Variants in DLAT observed in about 807,000 individuals in gnomAD.
DLAT encodes dihydrolipoamide S-acetyltransferase.
DLAT carries 43 observed loss-of-function variants against 68.0 expected under a neutral mutation model. The observed-to-expected ratio is 0.63, with a 90% confidence interval of 0.50 to 0.81. DLAT has a LOEUF of 0.81. Ranked by LOEUF, DLAT falls within the 40% of genes least tolerant of loss-of-function variation. DLAT has a pLI of 0.00. For missense variants in DLAT, 745 were observed against 815.4 expected, an observed-to-expected ratio of 0.91 and a Z score of 1.05; for synonymous variants, 265 against 288.6, an observed-to-expected ratio of 0.92 and a Z score of 0.83.
rs189259539 is a variant in DLAT at position 112,041,472 on chromosome 11, A to G, written c.1130-1994A>G. Among the ~76,000 whole-genome samples the G allele has an allele frequency of 6.1e-4, 93 of 152,280 alleles. 1 individual carries two copies. The East Asian group carries it at 0.014, about 22-fold the overall frequency. ...CATTTGATTTGTTTTGAAAGATAAG[A>G]AGGAGGCAGCTTGAGCCAACCATGT... On this transcript the variant is annotated intron_variant, in intron 7 of 13. Transcript: ENST00000280346.
chr11:112,043,204 T>C (rs782624382), intron 7 of DLAT, among the ~76,000 whole-genome samples: 1 of 152,126 alleles, frequency 6.6e-6, no homozygotes, highest in Non-Finnish European at 1.5e-5. Flanking sequence ...AAAAGAGAAA[T>C]ACATAAAGGA....
intron 5 of DLAT, among the ~76,000 whole-genome samples, chr11:112,036,096 C>CAT (rs71060207): frequency 0.32 from 45,772 of 141,332 alleles, 7,998 homozygotes; most frequent in East Asian, 0.59. Flanking sequence ...CAGCCTTAAA[C>CAT]ATATATATAT....
chr11:112,052,238 C>T (rs587765647), intron 11 of DLAT, among the ~76,000 whole-genome samples: 20 of 152,186 alleles, frequency 1.3e-4, no homozygotes, highest in Middle Eastern at 3.4e-3. Flanking sequence ...GAGGGTTTCC[C>T]CACACACCAA....
chr11:112,061,296 A>G, intron 13 of DLAT, 122 bp downstream of exon 13: 1 of 986,530 alleles, frequency 1.0e-6, no homozygotes, highest in Admixed American at 1.8e-5. Flanking sequence ...CACAATGCTC[A>G]AGTCCCTGAT....
At chr11:112,055,178 C>G (rs1433982929) in intron 11 of DLAT, among the ~76,000 whole-genome samples, 1 of 151,464 alleles carries the variant, frequency 6.6e-6, no homozygotes, top group Non-Finnish European at 1.5e-5. Context: ...TTTCTGGAGC[C>G]TGGCAGAAAT....
chr11:112,061,357 T>C, intron 13 of DLAT, 183 bp downstream of exon 13: 1 of 636,830 alleles, frequency 1.6e-6, no homozygotes, highest in Non-Finnish European at 2.7e-6. Context: ...TTCTGTATAC[T>C]TTATTCTTGA....
At position 112,039,249 on chromosome 11, in the gene DLAT, C is replaced by T. The variant is rs782157762; in HGVS notation, c.981C>T (p.Ala327=). The change falls in exon 7 of 14, where the codon GCC becomes GCT. Residue 327 remains alanine, a synonymous_variant. Transcript: ENST00000280346. ...QVPPPTPPPV[A]AVPPTPQPLA... ...TTGTAATTTTTTTTCAAAAGGTGGCCGCTGTTCCTCCAACTCCCCAGCCTT... is the reference window on the plus strand; with the variant it reads ...TTGTAATTTTTTTTCAAAAGGTGGCTGCTGTTCCTCCAACTCCCCAGCCTT... 3.8e-5 allele frequency: 61 copies of T among 1,613,776 alleles called. No individual in the cohort carries two copies. Among genetic ancestry groups the T allele is most frequent in the African/African-American group, 6.7e-5 (5 of 74,956 alleles).
At position 112,051,485 on chromosome 11, in the gene DLAT, C is replaced by G. The variant is rs1863627672; in HGVS notation, c.1514+136C>G. On this transcript the variant is annotated intron_variant, in intron 11 of 13. Coordinates refer to ENST00000280346, the MANE Select transcript of DLAT (RefSeq NM_001931.5). This position sits in a 1 kb window ranked among gnomAD's most constrained non-coding sequence, Gnocchi z 4.3. ...TTACATAGGTCAAACAACTTGAAAACAACACAAAAATGTTTATGAGTTACT... is the reference window on the plus strand; with the variant it reads ...TTACATAGGTCAAACAACTTGAAAAGAACACAAAAATGTTTATGAGTTACT... The G allele has an allele frequency of 4.5e-6, 3 of 664,872 alleles. No individual in the cohort carries two copies. In the African/African-American group the frequency reaches 5.5e-5, roughly 12 times the overall value. The allele number at this position is 664,872 out of a possible 1,614,324, so 41.2% of individuals were successfully genotyped here. A position where few individuals can be genotyped will look rare whatever the true frequency, so the allele number is the denominator to read the frequency against.
rs6589260 is a variant in DLAT at position 112,039,095 on chromosome 11, C to A, written c.976-149C>A. On this transcript the variant is annotated intron_variant, in intron 6 of 13. Coordinates refer to ENST00000280346, the MANE Select transcript of DLAT (RefSeq NM_001931.5). Reference sequence around the variant, plus strand: ...TACTACATTATGTTGGTTAAGCTGGCGAAAAGTACATTATGATCTTTGGAA... The same window carrying A: ...TACTACATTATGTTGGTTAAGCTGGAGAAAAGTACATTATGATCTTTGGAA... 0.38 allele frequency: 267,587 copies of A among 709,364 alleles called. 51,975 individuals carry two copies. The highest frequency in any genetic ancestry group is 0.56 in the East Asian group (16,085 of 28,546). The allele number at this position is 709,364 out of a possible 1,614,324, so 43.9% of individuals were successfully genotyped here.
chr11:112,057,426 A>ACTTT (rs1864164720), intron 11 of DLAT, among the ~76,000 whole-genome samples: 2 of 152,258 alleles, frequency 1.3e-5, no homozygotes, highest in Non-Finnish European at 2.9e-5. Context: ...TCTTGTGCCA[A>ACTTT]ACAGCCAACT....
intron 7 of DLAT, among the ~76,000 whole-genome samples, chr11:112,039,743 C>G (rs1862957860): frequency 6.6e-6 from 1 of 152,014 alleles, no homozygotes; most frequent in African/African-American, 2.4e-5. Flanking sequence ...GCTTGGTTGA[C>G]TGTAGCAATA....
At chr11:112,027,040 C>T (rs1184689310) in intron 2 of DLAT, among the ~76,000 whole-genome samples, 1 of 151,202 alleles carries the variant, frequency 6.6e-6, no homozygotes, top group Non-Finnish European at 1.5e-5. Flanking sequence ...CTGGCGGGGG[C>T]TGACCCCCAC....
chr11:112,052,094 C>T (rs1220935097), intron 11 of DLAT, among the ~76,000 whole-genome samples: 1 of 152,112 alleles, frequency 6.6e-6, no homozygotes, highest in Non-Finnish European at 1.5e-5. Flanking sequence ...TAAGCCTATT[C>T]GTTTCTTGCT....
intron 11 of DLAT, among the ~76,000 whole-genome samples, chr11:112,058,712 A>C (rs1371162166): frequency 6.6e-6 from 1 of 151,784 alleles, no homozygotes; most frequent in Admixed American, 6.6e-5. Flanking sequence ...AAATGTTAAC[A>C]GTACTTGTGT....
At chr11:112,052,151 A>ATGTTATT (rs1863677998) in intron 11 of DLAT, among the ~76,000 whole-genome samples, 4 of 152,070 alleles carry the variant, frequency 2.6e-5, no homozygotes, top group Admixed American at 2.6e-4. Flanking sequence ...AAAAAAACAA[A>ATGTTATT]CTTTTTTCCT....
chr11:112,027,059 C>T (rs1358483207), intron 2 of DLAT, among the ~76,000 whole-genome samples: 9 of 151,574 alleles, frequency 5.9e-5, no homozygotes, highest in Admixed American at 3.9e-4. Flanking sequence ...ACCTCCCTCC[C>T]GGACGGGGTG....
At chr11:112,029,852 T>G (rs1862299894) in intron 4 of DLAT, 3 of 605,060 alleles carry the variant, frequency 5.0e-6, no homozygotes, top group South Asian at 1.4e-5. Flanking sequence ...TCCCCGCACT[T>G]TGAGATCACC....
chr11:112,037,338 C>T lies in DLAT; in HGVS notation c.853C>T (p.Pro285Ser). 4 of 1,614,022 alleles carry T rather than the reference C, an allele frequency of 2.5e-6. No homozygotes were observed. Among genetic ancestry groups the T allele is most frequent in the Non-Finnish European group, 2.5e-6 (3 of 1,179,992 alleles). ...GGTCCCTGAAGGCACAAGAGATGTCCCTCTAGGAACCCCACTCTGTATCAT... is the reference window on the plus strand; with the variant it reads ...GGTCCCTGAAGGCACAAGAGATGTCTCTCTAGGAACCCCACTCTGTATCAT... ...ILVPEGTRDV[P>S]LGTPLCIIVE... Residue 285 changes from proline (P) to serine (S), a missense_variant, in exon 6 of 14, where the codon CCT (proline) becomes TCT (serine). Transcript: ENST00000280346.
At chr11:112,029,398 GT>G in intron 4 of DLAT, among the ~76,000 whole-genome samples, 1 of 152,274 alleles carries the variant, frequency 6.6e-6, no homozygotes, top group East Asian at 1.9e-4. Context: ...GCCAGCATCT[GT>G]TTCTCTTGTG....
Sources: gnomAD v4.1 joint callset for allele counts (sites outside exome capture counted in the v4.1 genomes callset) on GRCh38, gnomAD v4.1.1 for gene constraint, Gnocchi (gnomAD v3.1) non-coding constraint, MANE v1.5 for transcripts, NCBI Gene and HGNC (gene_info 2026-07-23, HGNC 2026-07-21) for gene names.